The following MLF1 variants were observed in gnomAD, a reference collection of about 807,000 sequenced individuals.
MLF1 encodes myeloid leukemia factor 1.
In MLF1, 37 loss-of-function variants were observed where a neutral mutation model predicts 38.3. That is an observed-to-expected ratio of 0.96 (90% CI 0.74 to 1.27). The LOEUF (loss-of-function observed/expected upper bound fraction) is 1.27, where lower values mean the gene tolerates loss of function less well. Among genes scored for constraint, MLF1 ranks in the 50% most tolerant of loss-of-function variants. The pLI is 0.00. For missense variants in MLF1, 331 were observed against 349.2 expected, an observed-to-expected ratio of 0.95 and a Z score of 0.42; for synonymous variants, 95 against 106.5, an observed-to-expected ratio of 0.89 and a Z score of 0.66.
At chr3:158,602,690 C>G in intron 6 of MLF1, 117 bp from the exon 7 acceptor site, 1 of 883,276 alleles carries the variant, frequency 1.1e-6, no homozygotes, top group Non-Finnish European at 1.6e-6. Flanking sequence ...CTTCCTGCCT[C>G]TGTATTGAGG....
At chr3:158,575,789 A>C (rs1448562473) in intron 1 of MLF1, among the ~76,000 whole-genome samples, 1 of 152,118 alleles carries the variant, frequency 6.6e-6, no homozygotes, top group African/African-American at 2.4e-5. Flanking sequence ...ATTTGCATTC[A>C]ACAAATAACA....
chr3:158,593,965 A>G (rs887025764), intron 3 of MLF1, among the ~76,000 whole-genome samples: 1 of 152,196 alleles, frequency 6.6e-6, no homozygotes, highest in East Asian at 1.9e-4. Context: ...CTTCCAACAC[A>G]CTAAAAGCAT....
intron 1 of MLF1, among the ~76,000 whole-genome samples, chr3:158,578,716 T>C (rs1715862569): frequency 6.6e-6 from 1 of 152,176 alleles, no homozygotes; most frequent in Non-Finnish European, 1.5e-5. Flanking sequence ...GGTTGTGGTT[T>C]GTGTGAGCAA....
chr3:158,572,555 G>T, intron 1 of MLF1, among the ~76,000 whole-genome samples: 1 of 140,544 alleles, frequency 7.1e-6, no homozygotes, highest in Non-Finnish European at 1.6e-5. Context: ...GTGAGTTGGT[G>T]GGAAGGGCTT....
chr3:158,604,127 A>G (rs909093271), intron 7 of MLF1, among the ~76,000 whole-genome samples: 1 of 152,226 alleles, frequency 6.6e-6, no homozygotes, highest in African/African-American at 2.4e-5. Flanking sequence ...CTTTTCTTCT[A>G]AAATACTTGT....
At chr3:158,578,740 GGTATATA>G (rs756938683) in intron 1 of MLF1, among the ~76,000 whole-genome samples, 1 of 152,006 alleles carries the variant, frequency 6.6e-6, no homozygotes, top group Non-Finnish European at 1.5e-5. Flanking sequence ...TAAGAGAGGA[GGTATATA>G]GTCATCAGTG....
intron 5 of MLF1, 84 bp downstream of exon 5, chr3:158,598,292 T>C: frequency 7.3e-7 from 1 of 1,376,336 alleles, no homozygotes; most frequent in Non-Finnish European, 9.7e-7. Flanking sequence ...TATTAAAATT[T>C]AATCTGGTAC....
intron 1 of MLF1, among the ~76,000 whole-genome samples, chr3:158,585,907 A>G (rs1717172360): frequency 6.6e-6 from 1 of 152,178 alleles, no homozygotes. Context: ...CATGCCTGTA[A>G]TCCCAGCACT....
At chr3:158,597,213 A>G (rs1719012742) in intron 4 of MLF1, among the ~76,000 whole-genome samples, 1 of 152,134 alleles carries the variant, frequency 6.6e-6, no homozygotes, top group Non-Finnish European at 1.5e-5. Flanking sequence ...AATTGAGTTC[A>G]TAACCTCCAA....
chr3:158,597,956 T>A, intron 4 of MLF1, 124 bp from the exon 5 acceptor site: 1 of 1,055,236 alleles, frequency 9.5e-7, no homozygotes, highest in Non-Finnish European at 1.4e-6. Context: ...TGCCTTTGAC[T>A]ACACCATATT....
rs563589577 is a variant in MLF1, at chr3:158,571,615, G to T, written c.47+268G>T. The stretch of plus-strand genomic sequence containing the variant: ...TGAGGTAGGCGGAGGGAAGTTTGGG[G>T]GCGTGAGGTGTGGGGAGGAGAGTTA... On this transcript the variant is annotated intron_variant, in intron 1 of 7. Transcript: ENST00000466246. Among the ~76,000 whole-genome samples, 4 of 122,576 alleles carry T rather than the reference G, an allele frequency of 3.3e-5. No individual in the cohort carries two copies. In the South Asian group the frequency reaches 9.1e-4, roughly 28 times the overall value. The allele number at this position is 122,576 out of a possible 152,430, so 80.4% of individuals were successfully genotyped here. A position where few individuals can be genotyped will look rare whatever the true frequency, so the allele number is the denominator to read the frequency against.
At chr3:158,600,265 T>C (rs1719552744) in intron 6 of MLF1, 92 bp downstream of exon 6, 5 of 708,724 alleles carry the variant, frequency 7.1e-6, no homozygotes, top group Non-Finnish European at 1.0e-5. Flanking sequence ...TGTCATAAGA[T>C]GTAGTTTTTG....
chr3:158,603,010 G>GT, intron 7 of MLF1, 71 bp downstream of exon 7: 1 of 1,386,868 alleles, frequency 7.2e-7, no homozygotes, highest in East Asian at 2.4e-5. Flanking sequence ...ATTTACTTCT[G>GT]TTATCAGAAA....
At chr3:158,594,209 A>G (rs1718572740) in intron 3 of MLF1, among the ~76,000 whole-genome samples, 1 of 152,152 alleles carries the variant, frequency 6.6e-6, no homozygotes, top group African/African-American at 2.4e-5. Context: ...TCAGCATGCT[A>G]TGGGAGCACA....
At chr3:158,590,641 TG>T (rs978071802) in intron 1 of MLF1, 12 of 368,772 alleles carry the variant, frequency 3.3e-5, no homozygotes, top group Non-Finnish European at 1.6e-5. Context: ...ACACAAAAGA[TG>T]ACATACTATG....
intron 7 of MLF1, 46 bp from the exon 8 acceptor site, chr3:158,605,051 T>C: frequency 7.4e-7 from 1 of 1,352,272 alleles, no homozygotes; most frequent in Non-Finnish European, 1.0e-6. Context: ...TATAAACCAT[T>C]GGCCATTTTT....
In MLF1 at chr3:158,606,404, A is replaced by G. The variant is rs980385860; in HGVS notation, c.*1202A>G. On this transcript the variant is annotated 3_prime_UTR_variant, in exon 8 of 8. Coordinates refer to ENST00000466246, the MANE Select transcript of MLF1 (RefSeq NM_001369783.1). ...TTTATATAATATTTTTGTTAATTTT[A>G]CTAGTTTGTGTTTTATGCCTTTAGT... 1.9e-5 allele frequency: 3 copies of G among 160,304 alleles called. No homozygotes were observed. The allele number at this position is 160,304 out of a possible 1,614,324, so 9.9% of individuals were successfully genotyped here.
chr3:158,601,990 C>G (rs1719850440), intron 6 of MLF1, among the ~76,000 whole-genome samples: 1 of 151,302 alleles, frequency 6.6e-6, no homozygotes, highest in South Asian at 2.1e-4. Context: ...CTAATTTTTT[C>G]TATTTTTAGT....
intron 1 of MLF1, among the ~76,000 whole-genome samples, chr3:158,581,480 T>C (rs971422955): frequency 1.3e-5 from 2 of 152,152 alleles, no homozygotes; most frequent in African/African-American, 4.8e-5. Context: ...GTTATCACAC[T>C]GGAGGGGAGG....
Sources: allele counts gnomAD v4.1 joint callset (sites outside exome capture counted in the v4.1 genomes callset), GRCh38; gene constraint gnomAD v4.1.1; transcripts MANE v1.5; gene names NCBI Gene and HGNC (gene_info 2026-07-23, HGNC 2026-07-21).